Variants in GRK3 observed in about 807,000 individuals in gnomAD.
GRK3 encodes the protein G protein-coupled receptor kinase 3.
In GRK3, 54 loss-of-function variants were observed where a neutral mutation model predicts 95.7. That is an observed-to-expected ratio of 0.56 (90% CI 0.45 to 0.71). The LOEUF (loss-of-function observed/expected upper bound fraction) is 0.71, where lower values mean the gene tolerates loss of function less well. Ranked by LOEUF, GRK3 falls within the 30% of genes least tolerant of loss-of-function variation. The pLI is 0.00. For missense variants in GRK3, 649 were observed against 851.2 expected (o/e 0.76, Z 2.96); for synonymous variants, 281 against 290.8 (o/e 0.97, Z 0.34).
chr22:25,605,195 G>A (rs1341090195), intron 2 of GRK3, among the ~76,000 whole-genome samples: 1 of 152,252 alleles, frequency 6.6e-6, no homozygotes, highest in Non-Finnish European at 1.5e-5. Context: ...ATGAAGTACA[G>A]TGGGGAAAAG....
chr22:25,614,745 C>T (rs1223797441), intron 2 of GRK3, among the ~76,000 whole-genome samples: 1 of 152,146 alleles, frequency 6.6e-6, no homozygotes, highest in African/African-American at 2.4e-5. Flanking sequence ...ATTTTTATTT[C>T]CTATATAATA....
At chr22:25,592,770 A>G (rs2146329165) in intron 1 of GRK3, among the ~76,000 whole-genome samples, 1 of 152,330 alleles carries the variant, frequency 6.6e-6, no homozygotes, top group East Asian at 1.9e-4. Flanking sequence ...TGAGCACAGT[A>G]TCCAGTAGTG....
chr22:25,647,869 G>A (rs2084797321), intron 3 of GRK3: 2 of 671,842 alleles, frequency 3.0e-6, no homozygotes, highest in African/African-American at 1.8e-5. Flanking sequence ...CCAGCACTTT[G>A]GGAGGCCGAG....
At chr22:25,607,431 G>A (rs140886363) in intron 2 of GRK3, among the ~76,000 whole-genome samples, 3,422 of 151,340 alleles carry the variant, frequency 0.023, 57 homozygotes, top group Middle Eastern at 0.068. Flanking sequence ...AATATTTCTT[G>A]TAATCTAGAC....
chr22:25,568,855 A>G (rs551865669), intron 1 of GRK3, among the ~76,000 whole-genome samples: 1 of 152,250 alleles, frequency 6.6e-6, no homozygotes, highest in Admixed American at 6.5e-5. Flanking sequence ...CATAGAACAC[A>G]TGATGTTTGG....
In GRK3 at chr22:25,620,864, C is replaced by T. The variant is rs192515438; in HGVS notation, c.190+16411C>T. On this transcript the variant is annotated intron_variant, in intron 2 of 20. Transcript: ENST00000324198. ...AGTATACAGAGTCCAAATATCAATACAAGACATATCAGTAAGAGGGGGCTT... is the reference window on the plus strand; with the variant it reads ...AGTATACAGAGTCCAAATATCAATATAAGACATATCAGTAAGAGGGGGCTT... Among the ~76,000 whole-genome samples, 243 of 152,232 alleles carry T rather than the reference C, an allele frequency of 1.6e-3. 1 individual carries two copies. Among genetic ancestry groups the T allele is most frequent in the African/African-American group, 5.6e-3 (233 of 41,542 alleles).
intron 5 of GRK3, among the ~76,000 whole-genome samples, chr22:25,664,248 T>C (rs1048804230): frequency 2.0e-5 from 3 of 152,200 alleles, no homozygotes; most frequent in Admixed American, 6.5e-5. Context: ...TCCCAACTAA[T>C]AGGCCTATGT....
chr22:25,695,165 AG>A lies in GRK3; in HGVS notation c.1112del (p.Ser371MetfsTer15). 6.2e-7 allele frequency: 1 copy of A among 1,614,196 alleles called. No individual in the cohort carries two copies. On this transcript the variant is annotated frameshift_variant, in exon 13 of 21. Transcript: ENST00000324198. LOFTEE classifies it high-confidence loss of function. ...VLQKGTAYDSSADWFSLGCML... is the reference protein window; with the variant it reads ...VLQKGTAYDSXADWFSLGCML... ...GCAGAAGGGGACGGCCTATGACAGC[AG>A]TGCCGACTGGTTCTCCCTGGGCTGC...
intron 1 of GRK3, among the ~76,000 whole-genome samples, chr22:25,569,640 G>T (rs1931613600): frequency 6.6e-6 from 1 of 152,202 alleles, no homozygotes; most frequent in Non-Finnish European, 1.5e-5. Context: ...GTCTTTTTCA[G>T]TCAGTGGCTG....
At chr22:25,700,907 C>T (rs1453501465) in intron 13 of GRK3, among the ~76,000 whole-genome samples, 1 of 152,146 alleles carries the variant, frequency 6.6e-6, no homozygotes. Flanking sequence ...TTGAAATTAA[C>T]TTTTGATGTG....
At chr22:25,672,145 G>A (rs2084988026) in intron 6 of GRK3, 151 bp from the exon 7 acceptor site, 1 of 538,772 alleles carries the variant, frequency 1.9e-6, no homozygotes, top group African/African-American at 1.9e-5. Flanking sequence ...ATGAATACGG[G>A]TGAATGCTCT....
Position 25,677,407 on chromosome 22 carries a change from GGAAAAA to G in GRK3, c.648-1408_648-1403del, listed in dbSNP as rs1381903712. On this transcript the variant is annotated intron_variant, in intron 8 of 20. Coordinates refer to ENST00000324198, the MANE Select transcript of GRK3 (RefSeq NM_005160.4). ...AAAAAAAAAAAAAAAAAAAAGAAAA[GGAAAAA>G]AAAAGAAAAGAAATCAACTCCACAT... Among the ~76,000 whole-genome samples, 1,205 of 136,682 alleles carry G rather than the reference GGAAAAA, an allele frequency of 8.8e-3. 5 individuals are homozygous for G. The highest frequency in any genetic ancestry group is 0.029 in the South Asian group (118 of 4,026). 89.7% of individuals were successfully genotyped at this position (136,682 alleles called of 152,430 possible). A position where few individuals can be genotyped will look rare whatever the true frequency, so the allele number is the denominator to read the frequency against.
intron 3 of GRK3, among the ~76,000 whole-genome samples, chr22:25,653,345 A>G (rs1190778330): frequency 2.6e-5 from 4 of 152,216 alleles, no homozygotes; most frequent in Non-Finnish European, 5.9e-5. Context: ...TAATACGAAC[A>G]CTAACCAAAG....
chr22:25,721,324 A>G lies in GRK3; in HGVS notation c.1832A>G (p.Glu611Gly). 1 of 1,606,282 alleles carries G rather than the reference A, an allele frequency of 6.2e-7. No individual in the cohort carries two copies. Among genetic ancestry groups the G allele is most frequent in the Non-Finnish European group, 8.5e-7 (1 of 1,175,992 alleles). ...ATGGAACAGATTCTCTCTGTGGAAG[A>G]AACTCAAATTAAAGACAAAAAATGC... Reference protein sequence around the residue: ...LTMEQILSVEETQIKDKKCIL... With the variant: ...LTMEQILSVEGTQIKDKKCIL... The change falls in exon 20 of 21, where the codon GAA becomes GGA. Residue 611 changes from glutamate to glycine, a missense_variant. Physicochemically the swap from Glu to Gly is moderately conservative, Grantham distance 98. Around this residue, in one of 3 missense-constraint regions of GRK3, gnomAD observed 382 missense variants for 493.8 expected, o/e 0.77. Coordinates refer to ENST00000324198, the MANE Select transcript of GRK3 (RefSeq NM_005160.4).
chr22:25,646,172 C>T (rs1419993839), intron 3 of GRK3, among the ~76,000 whole-genome samples: 1 of 151,778 alleles, frequency 6.6e-6, no homozygotes. Context: ...ATAAATAAGG[C>T]AATAAAAGCA....
chr22:25,620,406 C>T (rs1413132989), intron 2 of GRK3, among the ~76,000 whole-genome samples: 5 of 152,176 alleles, frequency 3.3e-5, no homozygotes, highest in East Asian at 3.9e-4. Flanking sequence ...CAAGAAGTCC[C>T]GCAGGGATTG....
chr22:25,684,890 T>C (rs1275498224), intron 9 of GRK3, among the ~76,000 whole-genome samples: 1 of 152,174 alleles, frequency 6.6e-6, no homozygotes, highest in Non-Finnish European at 1.5e-5. Flanking sequence ...ACAGCATATA[T>C]TGTATATTAA....
chr22:25,593,733 C>G (rs1435361638), intron 1 of GRK3, among the ~76,000 whole-genome samples: 2 of 152,012 alleles, frequency 1.3e-5, no homozygotes, highest in African/African-American at 4.8e-5. Context: ...GTTTTCTTTG[C>G]AGTTGCTTTT....
Position 25,625,413 on chromosome 22 carries a change from C to A in GRK3, c.191-19179C>A, listed in dbSNP as rs191709765. 2.7e-3 allele frequency among the ~76,000 whole-genome samples: 411 copies of A among 152,256 alleles called. 2 individuals are homozygous for A. Among genetic ancestry groups the A allele is most frequent in the South Asian group, 4.8e-3 (23 of 4,806 alleles). ...CAAGAGTGCGAACTTTCTGTTATGC[C>A]CAGACAGGGCCACCAGAAGGGCTCT... On this transcript the variant is annotated intron_variant, in intron 2 of 20. Coordinates refer to ENST00000324198, the MANE Select transcript of GRK3 (RefSeq NM_005160.4).
Sources: gnomAD v4.1 joint callset for allele counts (sites outside exome capture counted in the v4.1 genomes callset) on GRCh38, gnomAD v4.1.1 for gene constraint, gnomAD v4.1.1 regional missense constraint, MANE v1.5 for transcripts, NCBI Gene and HGNC (gene_info 2026-07-23, HGNC 2026-07-21) for gene names.